VPS53: variants seen among roughly 807,000 people sequenced by gnomAD.
VPS53 encodes VPS53 subunit of GARP complex.
In VPS53, 70 loss-of-function variants were observed where a neutral mutation model predicts 107.0. The ratio of observed to expected loss-of-function variants is 0.65; its 90% CI spans 0.54 to 0.80. The LOEUF (loss-of-function observed/expected upper bound fraction) is 0.80, where lower values mean the gene tolerates loss of function less well. VPS53 is among the 30% of genes least tolerant of loss of function. The probability of loss-of-function intolerance (pLI) is 0.00; values close to 1 mark genes in which losing one functional copy is unlikely to be tolerated. For synonymous variants in VPS53, 409 were observed against 393.3 expected (o/e 1.04, Z -0.47); for missense variants, 917 against 1,049.4 (o/e 0.87, Z 1.74).
intron 13 of VPS53, among the ~76,000 whole-genome samples, chr17:574,819 C>A (rs187728628): frequency 9.3e-4 from 142 of 152,180 alleles, no homozygotes; most frequent in Middle Eastern, 3.4e-3. Context: ...CCTTTTAAAA[C>A]GAAAAATTTG....
intron 5 of VPS53, 34 bp downstream of exon 5, chr17:661,775 G>A: frequency 1.0e-5 from 16 of 1,535,600 alleles, no homozygotes; most frequent in Non-Finnish European, 1.4e-5. Context: ...TTCCTCTTTT[G>A]GTGCAAAAAG....
intron 6 of VPS53, among the ~76,000 whole-genome samples, chr17:654,732 A>G (rs1971109754): frequency 8.3e-6 from 1 of 120,252 alleles, no homozygotes; most frequent in Non-Finnish European, 1.7e-5. Context: ...GCCAGACTCC[A>G]ACTCAAAAAA....
At position 524,943 on chromosome 17, in the gene VPS53, T is replaced by C. The variant is rs2151797440; in HGVS notation, c.2086-3205A>G. ...TCACCCATAACACAGCATTAATACTTATATCCATTAGAGGAATTCTTGCCC... is the reference window on the plus strand; with the variant it reads ...TCACCCATAACACAGCATTAATACTCATATCCATTAGAGGAATTCTTGCCC... On this transcript the variant is annotated intron_variant, in intron 19 of 21. Coordinates refer to ENST00000437048, the MANE Select transcript of VPS53 (RefSeq NM_001128159.3). This position sits in a 1 kb window ranked among gnomAD's most constrained non-coding sequence, Gnocchi z 4.5. Among the ~76,000 whole-genome samples the C allele has an allele frequency of 6.6e-6, 1 of 152,322 alleles. No homozygotes were observed. Among genetic ancestry groups the C allele is most frequent in the South Asian group, 2.1e-4 (1 of 4,826 alleles).
At chr17:596,939 T>C (rs954263961) in intron 12 of VPS53, among the ~76,000 whole-genome samples, 1 of 152,196 alleles carries the variant, frequency 6.6e-6, no homozygotes, top group Non-Finnish European at 1.5e-5. Context: ...CTGCAGCTGG[T>C]CCCACTTCCT....
intron 11 of VPS53, among the ~76,000 whole-genome samples, chr17:616,780 G>A (rs1381095996): frequency 6.6e-6 from 1 of 152,184 alleles, no homozygotes; most frequent in African/African-American, 2.4e-5. Flanking sequence ...GTCTCTACGT[G>A]GTTACCCTGT....
At chr17:559,259 T>A (rs972121921) in intron 15 of VPS53, among the ~76,000 whole-genome samples, 1 of 152,232 alleles carries the variant, frequency 6.6e-6, no homozygotes, top group African/African-American at 2.4e-5. Flanking sequence ...TATTTGAGGA[T>A]GATGGGATTA....
intron 7 of VPS53, among the ~76,000 whole-genome samples, chr17:652,634 C>G (rs1200202724): frequency 6.6e-6 from 1 of 152,240 alleles, no homozygotes; most frequent in African/African-American, 2.4e-5. Context: ...CCAATGCATT[C>G]TCCAGTCCCC....
chr17:523,591 G>A (rs762729054), intron 19 of VPS53, among the ~76,000 whole-genome samples: 41 of 152,228 alleles, frequency 2.7e-4, no homozygotes, highest in Non-Finnish European at 4.6e-4. Flanking sequence ...AACAATGGTA[G>A]AAACATGGGG....
chr17:576,015 C>T (rs895121312), intron 13 of VPS53, among the ~76,000 whole-genome samples: 4 of 151,156 alleles, frequency 2.6e-5, no homozygotes, highest in Admixed American at 6.6e-5. Context: ...GAACCTAATG[C>T]GTTCCCAGAA....
chr17:597,638 G>C (rs1968038969), intron 12 of VPS53, among the ~76,000 whole-genome samples: 1 of 152,010 alleles, frequency 6.6e-6, no homozygotes, highest in Non-Finnish European at 1.5e-5. Context: ...CGCCTCCCAA[G>C]TTCACACGAT....
At position 662,815 on chromosome 17, in the gene VPS53, A is replaced by AAG. The variant is rs1267438456; in HGVS notation, c.286-922_286-921dup. ...AGAAAGAGAAAGAAAGAAAAAAAGA[A>AAG]AGAAAGAGAAAGAGAAAGAAAGGAA... On this transcript the variant is annotated intron_variant, in intron 4 of 21. Coordinates refer to ENST00000437048, the MANE Select transcript of VPS53 (RefSeq NM_001128159.3). Among the ~76,000 whole-genome samples, 221 of 148,912 alleles carry AAG rather than the reference A, an allele frequency of 1.5e-3. 1 individual carries two copies. Among genetic ancestry groups the AAG allele is most frequent in the East Asian group, 5.7e-3 (27 of 4,736 alleles).
At chr17:704,696 T>C (rs954805726) in intron 2 of VPS53, among the ~76,000 whole-genome samples, 2 of 152,148 alleles carry the variant, frequency 1.3e-5, no homozygotes, top group Non-Finnish European at 2.9e-5. Flanking sequence ...ATCATATACC[T>C]GGGGCATAAT....
chr17:659,215 C>CA (rs769037657), intron 5 of VPS53, among the ~76,000 whole-genome samples: 87 of 152,216 alleles, frequency 5.7e-4, no homozygotes, highest in Non-Finnish European at 2.9e-4. Context: ...CTTTTTCCTA[C>CA]AAAAAAATCT....
intron 1 of VPS53, among the ~76,000 whole-genome samples, chr17:713,942 G>A (rs917956743): frequency 3.3e-5 from 5 of 151,436 alleles, no homozygotes; most frequent in Non-Finnish European, 7.4e-5. Context: ...CTACTCAGGA[G>A]GCTGAGACAG....
chr17:599,203 G>A (rs1353826578), intron 12 of VPS53, among the ~76,000 whole-genome samples: 2 of 151,828 alleles, frequency 1.3e-5, no homozygotes, highest in Non-Finnish European at 2.9e-5. Context: ...CGCCCCTACT[G>A]GGAAGTGAGG....
chr17:623,083 A>C lies in VPS53; in HGVS notation c.1116+450T>G, dbSNP rs184003507. Among the ~76,000 whole-genome samples, 136 of 152,250 alleles carry C rather than the reference A, an allele frequency of 8.9e-4. 4 individuals carry two copies. In the East Asian group the frequency reaches 0.024, roughly 27 times the overall value. ...GGCAGTACTATGTTCCACCTTTCCA[A>C]TGGAGGCACGTAGTCCCCAGGCCTG... On this transcript the variant is annotated intron_variant, in intron 11 of 21. Coordinates refer to ENST00000437048, the MANE Select transcript of VPS53 (RefSeq NM_001128159.3).
chr17:529,143 TC>T (rs1909336506), intron 19 of VPS53, among the ~76,000 whole-genome samples: 2 of 152,200 alleles, frequency 1.3e-5, no homozygotes, highest in South Asian at 4.1e-4. Flanking sequence ...GAAAAGACTC[TC>T]TTTGAATGAT....
At chr17:562,985 T>C (rs1913165714) in intron 13 of VPS53, among the ~76,000 whole-genome samples, 1 of 152,162 alleles carries the variant, frequency 6.6e-6, no homozygotes, top group Non-Finnish European at 1.5e-5. Context: ...ATTTGTGCTT[T>C]ATACTTTTCA....
rs148440936 is a variant in VPS53 at position 633,127 on chromosome 17, C to T, written c.609-1499G>A. Among the ~76,000 whole-genome samples, 834 of 152,292 alleles carry T rather than the reference C, an allele frequency of 5.5e-3. 7 individuals are homozygous for T. Among genetic ancestry groups the T allele is most frequent in the African/African-American group, 0.015 (634 of 41,558 alleles). On this transcript the variant is annotated intron_variant, in intron 7 of 21. Coordinates refer to ENST00000437048, the MANE Select transcript of VPS53 (RefSeq NM_001128159.3). ...TGAATGCAAGGGCAGAAAGGAGAAGCGGCTAGGATGGAAAGCGGCTATGGA... is the reference window on the plus strand; with the variant it reads ...TGAATGCAAGGGCAGAAAGGAGAAGTGGCTAGGATGGAAAGCGGCTATGGA...
Sources: gnomAD v4.1 joint callset for allele counts (sites outside exome capture counted in the v4.1 genomes callset) on GRCh38, gnomAD v4.1.1 for gene constraint, Gnocchi (gnomAD v3.1) non-coding constraint, MANE v1.5 for transcripts, NCBI Gene and HGNC (gene_info 2026-07-23, HGNC 2026-07-21) for gene names.